The following NRXN3 variants were observed in gnomAD, a reference collection of about 807,000 sequenced individuals.
The protein encoded by NRXN3 is neurexin 3, also known as neurexin III.
In NRXN3, 32 loss-of-function variants were observed where a neutral mutation model predicts 137.6. That is an observed-to-expected ratio of 0.23 (90% CI 0.18 to 0.31). The LOEUF (loss-of-function observed/expected upper bound fraction) is 0.31. NRXN3 is among the 10% of genes least tolerant of loss of function. The probability of loss-of-function intolerance (pLI) is 1.00; values close to 1 mark genes in which losing one functional copy is unlikely to be tolerated. For missense variants in NRXN3, 1,574 were observed against 2,062.5 expected (o/e 0.76, Z 4.59); for synonymous variants, 798 against 784.5 (o/e 1.02, Z -0.29).
intron 4 of NRXN3, among the ~76,000 whole-genome samples, chr14:78,641,913 A>C (rs754970982): frequency 6.6e-6 from 1 of 152,188 alleles, no homozygotes; most frequent in Non-Finnish European, 1.5e-5. Flanking sequence ...TCTCTTCTCT[A>C]CACTGATGCC....
chr14:79,061,840 A>G (rs972583645), intron 15 of NRXN3, among the ~76,000 whole-genome samples: 1 of 152,088 alleles, frequency 6.6e-6, no homozygotes, highest in African/African-American at 2.4e-5. Flanking sequence ...ATGTCGGTGG[A>G]CTAACGCAGC....
At chr14:79,101,912 G>A (rs376857200) in intron 15 of NRXN3, among the ~76,000 whole-genome samples, 1 of 152,114 alleles carries the variant, frequency 6.6e-6, no homozygotes, top group South Asian at 2.1e-4. Context: ...AGAAGAGAGT[G>A]CCATGAGAAG....
chr14:79,801,219 C>T (rs571527013), intron 19 of NRXN3, among the ~76,000 whole-genome samples: 1 of 152,302 alleles, frequency 6.6e-6, no homozygotes, highest in East Asian at 1.9e-4. Context: ...CACAGATTGT[C>T]TAGATTCACA....
intron 4 of NRXN3, among the ~76,000 whole-genome samples, chr14:78,367,082 G>A (rs2086077763): frequency 6.6e-6 from 1 of 152,144 alleles, no homozygotes; most frequent in African/African-American, 2.4e-5. Flanking sequence ...GATGCTCTCT[G>A]ATTATACAAT....
chr14:79,854,089 T>C (rs2099397432), intron 20 of NRXN3: 10 of 983,476 alleles, frequency 1.0e-5, no homozygotes, highest in South Asian at 9.4e-5. Flanking sequence ...TCAAAAGTTT[T>C]TAAGAAATGA....
chr14:79,667,350 T>G (rs2098566289), intron 17 of NRXN3, among the ~76,000 whole-genome samples: 3 of 151,998 alleles, frequency 2.0e-5, no homozygotes, highest in African/African-American at 7.2e-5. Context: ...CTATAGAAGA[T>G]TTATGTTAAG....
At chr14:79,171,297 C>A (rs2061755266) in intron 15 of NRXN3, among the ~76,000 whole-genome samples, 1 of 151,906 alleles carries the variant, frequency 6.6e-6, no homozygotes, top group Admixed American at 6.6e-5. Context: ...GGTTATATAC[C>A]CAAAACTCTC....
At chr14:79,080,255 T>C (rs892515887) in intron 15 of NRXN3, among the ~76,000 whole-genome samples, 1 of 152,188 alleles carries the variant, frequency 6.6e-6, no homozygotes, top group Non-Finnish European at 1.5e-5. Flanking sequence ...AAAGTGTCCT[T>C]GACTCACTCA....
At chr14:78,566,010 C>A (rs1356521732) in intron 4 of NRXN3, among the ~76,000 whole-genome samples, 1 of 152,130 alleles carries the variant, frequency 6.6e-6, no homozygotes, top group African/African-American at 2.4e-5. Flanking sequence ...CATTTCTGAA[C>A]GTTATGATTT....
intron 10 of NRXN3, among the ~76,000 whole-genome samples, chr14:78,847,795 G>A (rs982496295): frequency 3.3e-5 from 5 of 152,058 alleles, no homozygotes; most frequent in African/African-American, 4.8e-5. Context: ...GTGCAACTAC[G>A]TTTTGGAGAA....
chr14:78,660,623 A>G (rs1454236369), intron 6 of NRXN3, among the ~76,000 whole-genome samples: 5 of 152,182 alleles, frequency 3.3e-5, no homozygotes, highest in Non-Finnish European at 7.3e-5. Flanking sequence ...AGTGACCAAA[A>G]AGGAAGCCAG....
chr14:78,194,776 C>T (rs1426572356), intron 1 of NRXN3, among the ~76,000 whole-genome samples: 2 of 152,212 alleles, frequency 1.3e-5, no homozygotes, highest in Non-Finnish European at 2.9e-5. Context: ...GAGTAGATAT[C>T]TCAGTCTTGG....
intron 15 of NRXN3, among the ~76,000 whole-genome samples, chr14:79,317,240 A>G (rs572867110): frequency 1.3e-5 from 2 of 150,664 alleles, no homozygotes; most frequent in African/African-American, 4.9e-5. Flanking sequence ...CTCAAAAAAG[A>G]AAAAAAAAGT....
chr14:78,621,378 A>G (rs949472672), intron 4 of NRXN3, among the ~76,000 whole-genome samples: 1 of 152,218 alleles, frequency 6.6e-6, no homozygotes, highest in Non-Finnish European at 1.5e-5. Context: ...TTATAAAACA[A>G]AAAGAGAAAG....
At chr14:79,025,548 A>T (rs2099596698) in intron 15 of NRXN3, among the ~76,000 whole-genome samples, 1 of 152,150 alleles carries the variant, frequency 6.6e-6, no homozygotes, top group Non-Finnish European at 1.5e-5. Flanking sequence ...AAAGGTCCAG[A>T]TCAATTTTTC....
intron 4 of NRXN3, among the ~76,000 whole-genome samples, chr14:78,407,459 A>T (rs1253118211): frequency 6.6e-6 from 1 of 152,206 alleles, no homozygotes; most frequent in Non-Finnish European, 1.5e-5. Flanking sequence ...ACCTGGGGTT[A>T]TGCTTTGGAA....
intron 15 of NRXN3, chr14:79,280,807 C>T (rs890512809): frequency 2.7e-5 from 12 of 437,674 alleles, no homozygotes; most frequent in African/African-American, 2.0e-4. Context: ...AGACACCACA[C>T]TCTCTCTTTT....
chr14:78,476,889 G>T (rs1237032107), intron 4 of NRXN3, among the ~76,000 whole-genome samples: 1 of 152,158 alleles, frequency 6.6e-6, no homozygotes, highest in Non-Finnish European at 1.5e-5. Flanking sequence ...TAACACCTTA[G>T]ATGAAATGTT....
intron 15 of NRXN3, among the ~76,000 whole-genome samples, chr14:79,163,433 T>G (rs1290792538): frequency 6.6e-6 from 1 of 152,022 alleles, no homozygotes; most frequent in African/African-American, 2.4e-5. Context: ...TCAAGAGAGA[T>G]AAACCATAAT....
Sources: allele counts gnomAD v4.1 joint callset (sites outside exome capture counted in the v4.1 genomes callset), GRCh38; gene constraint gnomAD v4.1.1; transcripts MANE v1.5; gene names NCBI Gene and HGNC (gene_info 2026-07-23, HGNC 2026-07-21).